Variants in ABCA4 observed in about 807,000 individuals in gnomAD.
The protein encoded by ABCA4 is retinal-specific phospholipid-transporting ATPase ABCA4.
ABCA4 carries 196 observed loss-of-function variants against 263.7 expected under a neutral mutation model. The ratio of observed to expected loss-of-function variants is 0.74; its 90% CI spans 0.66 to 0.84. The LOEUF (loss-of-function observed/expected upper bound fraction) is 0.84, where lower values mean the gene tolerates loss of function less well. ABCA4 is among the 40% of genes least tolerant of loss of function. The probability of loss-of-function intolerance (pLI) is 0.00; values close to 1 mark genes in which losing one functional copy is unlikely to be tolerated. For missense variants in ABCA4, 2,792 were observed against 2,855.1 expected (o/e 0.98, Z 0.50); for synonymous variants, 1,133 against 1,094.2 (o/e 1.04, Z -0.70).
intron 6 of ABCA4, among the ~76,000 whole-genome samples, chr1:94,088,960 T>C (rs1661903911): frequency 6.6e-6 from 1 of 152,258 alleles, no homozygotes; most frequent in Non-Finnish European, 1.5e-5. Flanking sequence ...TTTCTGAATT[T>C]GTTTCCTGTC....
At chr1:94,079,687 C>T (rs1294078618) in intron 8 of ABCA4, among the ~76,000 whole-genome samples, 1 of 152,202 alleles carries the variant, frequency 6.6e-6, no homozygotes, top group Non-Finnish European at 1.5e-5. Context: ...AAGGATGCGA[C>T]TTGCCCTGTG....
intron 11 of ABCA4, among the ~76,000 whole-genome samples, chr1:94,064,387 G>A (rs1310955151): frequency 2.0e-5 from 3 of 152,218 alleles, no homozygotes; most frequent in African/African-American, 7.2e-5. Flanking sequence ...AAGTCTTCCT[G>A]GAGGGATCAG....
intron 11 of ABCA4, among the ~76,000 whole-genome samples, chr1:94,077,003 C>T (rs1661551854): frequency 6.6e-6 from 1 of 152,204 alleles, no homozygotes. Context: ...CCTCTTTAAG[C>T]CCTGGCTTCT....
chr1:94,097,401 G>A (rs1258368006), intron 6 of ABCA4, among the ~76,000 whole-genome samples: 2 of 152,156 alleles, frequency 1.3e-5, no homozygotes, highest in East Asian at 1.9e-4. Context: ...AGCTGAAAGT[G>A]AGTTTCCTGG....
intron 47 of ABCA4, among the ~76,000 whole-genome samples, chr1:93,998,905 ATT>A (rs11370620): frequency 5.9e-5 from 8 of 135,774 alleles, no homozygotes; most frequent in Admixed American, 1.5e-4. Context: ...CACTCGGCTA[ATT>A]TTTTTTTTTT....
chr1:94,001,486 T>C (rs1659181218), intron 45 of ABCA4: 9 of 526,434 alleles, frequency 1.7e-5, no homozygotes, highest in Non-Finnish European at 3.2e-5. Context: ...TGCGTGGGCA[T>C]GGCCTCAGGC....
chr1:94,066,840 T>C (rs985329693), intron 11 of ABCA4, among the ~76,000 whole-genome samples: 1 of 152,272 alleles, frequency 6.6e-6, no homozygotes, highest in African/African-American at 2.4e-5. Flanking sequence ...GGAATTGTTC[T>C]ATATCTGCCC....
intron 17 of ABCA4, 138 bp from the exon 18 acceptor site, chr1:94,049,095 A>C (rs915878760): frequency 2.7e-6 from 2 of 752,224 alleles, no homozygotes; most frequent in African/African-American, 3.5e-5. Context: ...TGAGGTACTC[A>C]AGCCTGATCA....
intron 24 of ABCA4, among the ~76,000 whole-genome samples, chr1:94,039,310 A>T (rs912335981): frequency 6.6e-6 from 1 of 152,248 alleles, no homozygotes; most frequent in African/African-American, 2.4e-5. Context: ...ACCAGATTTC[A>T]GTTAGTAAAT....
In ABCA4 at chr1:94,007,721, AC is replaced by A. The variant is rs61751389; in HGVS notation, c.5917del (p.Val1973Ter). 22 of 1,613,736 alleles carry A rather than the reference AC, an allele frequency of 1.4e-5. No individual in the cohort carries two copies. In the South Asian group the frequency reaches 1.6e-4, roughly 12 times the overall value. ...RPGECFGLLG[V>X]NGAGKTTTFK... ...TGTGGTTGTTTTGCCGGCACCATTCACTCCCAGGAGGCCAAAGCACTAGGAG... is the reference window on the plus strand; with the variant it reads ...TGTGGTTGTTTTGCCGGCACCATTCATCCCAGGAGGCCAAAGCACTAGGAG... On this transcript the variant is annotated frameshift_variant, in exon 43 of 50. Transcript: ENST00000370225. LOFTEE classifies it high-confidence loss of function.
At position 94,001,898 on chromosome 1, in the gene ABCA4, G is replaced by A. The variant is rs1447707905; in HGVS notation, c.6242C>T (p.Thr2081Ile). 12 of 1,614,252 alleles carry A rather than the reference G, an allele frequency of 7.4e-6. No homozygotes were observed. The South Asian group carries it at 8.8e-5, about 12-fold the overall frequency. ...TGGGCAGCCAATGAGTGCGATGGCT[G>A]TGGAGAGTTTCCGCTTGTTGCCCCC... ...YSGGNKRKLS[T>I]AIALIGCPPL... is the part of the protein sequence containing the mutation. Residue 2081 changes from threonine (T) to isoleucine (I), a missense_variant, in exon 45 of 50, where the codon ACA becomes ATA. Thr to Ile is a moderately conservative substitution (Grantham distance 89, BLOSUM62 -1). Transcript: ENST00000370225.
intron 6 of ABCA4, among the ~76,000 whole-genome samples, chr1:94,090,247 GT>G (rs1661935669): frequency 6.6e-6 from 1 of 151,622 alleles, no homozygotes; most frequent in Admixed American, 6.6e-5. Flanking sequence ...TCAAGGGCTT[GT>G]TTTAACTAAA....
intron 11 of ABCA4, among the ~76,000 whole-genome samples, chr1:94,075,353 A>T (rs1216751627): frequency 1.6e-5 from 2 of 127,454 alleles, no homozygotes; most frequent in Admixed American, 8.0e-5. Context: ...TCTAAAAATT[A>T]AAAAAAAAAT....
chr1:94,072,906 C>T (rs559117676), intron 11 of ABCA4, among the ~76,000 whole-genome samples: 2 of 152,226 alleles, frequency 1.3e-5, no homozygotes, highest in African/African-American at 4.8e-5. Context: ...ATTGCAGACC[C>T]TATTGTGGAG....
chr1:94,014,235 G>T (rs1316107962), intron 38 of ABCA4, among the ~76,000 whole-genome samples: 2 of 150,580 alleles, frequency 1.3e-5, no homozygotes, highest in Admixed American at 6.6e-5. Context: ...GAGGATGAAA[G>T]GAAAAAGGGA....
intron 5 of ABCA4, among the ~76,000 whole-genome samples, chr1:94,100,077 G>A (rs1037389260): frequency 3.3e-5 from 5 of 152,182 alleles, no homozygotes; most frequent in South Asian, 4.1e-4. Flanking sequence ...ATCTAACGAC[G>A]TGGCTCTCTG....
intron 7 of ABCA4, among the ~76,000 whole-genome samples, chr1:94,081,153 G>C (rs1190231326): frequency 6.6e-6 from 1 of 152,020 alleles, no homozygotes; most frequent in Non-Finnish European, 1.5e-5. Flanking sequence ...TGAACCTGGG[G>C]GGCAGAGCTT....
intron 4 of ABCA4, among the ~76,000 whole-genome samples, chr1:94,104,897 C>T (rs1662384349): frequency 6.6e-6 from 1 of 152,182 alleles, no homozygotes; most frequent in African/African-American, 2.4e-5. Flanking sequence ...TTCCCAATTA[C>T]CCCTTCATAC....
intron 1 of ABCA4, among the ~76,000 whole-genome samples, chr1:94,119,330 C>T (rs1329260839): frequency 6.6e-6 from 1 of 152,208 alleles, no homozygotes; most frequent in Non-Finnish European, 1.5e-5. Context: ...GACAATGGTG[C>T]TTCCCAGACA....
Sources: allele counts gnomAD v4.1 joint callset (sites outside exome capture counted in the v4.1 genomes callset), GRCh38; gene constraint gnomAD v4.1.1; transcripts MANE v1.5; gene names NCBI Gene and HGNC (gene_info 2026-07-23, HGNC 2026-07-21).